The following KAZN variants were observed in gnomAD, a reference collection of about 807,000 sequenced individuals.
KAZN encodes kazrin, periplakin interacting protein, also known as kazrin.
In KAZN, 40 loss-of-function variants were observed where a neutral mutation model predicts 87.4. The ratio of observed to expected loss-of-function variants is 0.46; its 90% confidence interval spans 0.36 to 0.60. The LOEUF is 0.60. Among genes scored for constraint, KAZN ranks in the 20% least tolerant of loss-of-function variants. The pLI, the probability that KAZN is intolerant of heterozygous loss-of-function variation, is 0.00. For synonymous variants in KAZN, 466 were observed against 458.3 expected (o/e 1.02, Z -0.22); for missense variants, 898 against 1,073.9 (o/e 0.84, Z 2.29).
At chr1:14,503,178 G>C (rs1231565571) in intron 2 of KAZN, among the ~76,000 whole-genome samples, 1 of 151,888 alleles carries the variant, frequency 6.6e-6, no homozygotes, top group African/African-American at 2.4e-5. Flanking sequence ...ATCTCAGAGA[G>C]GTATTATTAA....
chr1:14,292,087 G>A (rs552517912), intron 2 of KAZN, among the ~76,000 whole-genome samples: 2 of 152,216 alleles, frequency 1.3e-5, no homozygotes, highest in East Asian at 1.9e-4. Context: ...CACACTTTCC[G>A]AGAACCTAGG....
At chr1:14,612,845 A>G (rs569922896) in intron 1 of KAZN, among the ~76,000 whole-genome samples, 13 of 152,324 alleles carry the variant, frequency 8.5e-5, no homozygotes, top group African/African-American at 3.1e-4. Flanking sequence ...AGGGACTAAC[A>G]TACTGTGCCT....
chr1:14,720,246 C>T (rs533931407), intron 1 of KAZN, among the ~76,000 whole-genome samples: 1 of 152,336 alleles, frequency 6.6e-6, no homozygotes, highest in East Asian at 1.9e-4. Flanking sequence ...AAAGAAAGAT[C>T]CCATTCCCCT....
intron 1 of KAZN, among the ~76,000 whole-genome samples, chr1:13,981,128 T>TATGTATATATATATATGTA (rs375605048): frequency 7.4e-6 from 1 of 134,458 alleles, no homozygotes; most frequent in African/African-American, 2.7e-5. Context: ...TAAACACAGA[T>TATGTATATATATATATGTA]TATATATAGT....
At chr1:14,161,506 A>T (rs72643177) in intron 1 of KAZN, among the ~76,000 whole-genome samples, 22,137 of 152,222 alleles carry the variant, frequency 0.15, 1,829 homozygotes, top group East Asian at 0.33. Flanking sequence ...CGAAGTCTTC[A>T]CAACTTCAGT....
At chr1:15,020,557 C>T (rs560754447) in intron 2 of KAZN, among the ~76,000 whole-genome samples, 31 of 152,210 alleles carry the variant, frequency 2.0e-4, no homozygotes, top group African/African-American at 7.0e-4. Context: ...GCTCCAGAAG[C>T]GCGACACTCG....
Position 14,821,690 on chromosome 1 carries a change from A to C in KAZN, c.227-138994A>C, listed in dbSNP as rs185795467. On this transcript the variant is annotated intron_variant, in intron 1 of 14. Transcript: ENST00000376030. ...TCTACAAGCCACGGAGAGAGGCCTC[A>C]GGAGAAACGACCCCTGCTAACACCT... Among the ~76,000 whole-genome samples, 175 of 152,258 alleles carry C rather than the reference A, an allele frequency of 1.1e-3. 2 individuals are homozygous for C. The highest frequency in any genetic ancestry group is 3.9e-3 in the African/African-American group (164 of 41,534).
intron 6 of KAZN, chr1:15,061,258 C>T (rs574629849): frequency 2.3e-4 from 35 of 152,300 alleles, no homozygotes; most frequent in African/African-American, 8.4e-4. Flanking sequence ...AACAGTGTTG[C>T]TTGGAAATCA....
At chr1:14,404,764 T>C (rs149436537) in intron 2 of KAZN, among the ~76,000 whole-genome samples, 246 of 152,310 alleles carry the variant, frequency 1.6e-3, no homozygotes, top group African/African-American at 5.7e-3. Flanking sequence ...AACAAACTAA[T>C]TGATGAAATG....
intron 1 of KAZN, among the ~76,000 whole-genome samples, chr1:14,928,538 C>G (rs377627361): frequency 6.8e-4 from 104 of 152,128 alleles, no homozygotes; most frequent in African/African-American, 2.5e-3. Context: ...AAAGTTTGTC[C>G]TCTCCTTGAC....
intron 2 of KAZN, among the ~76,000 whole-genome samples, chr1:14,369,001 G>C (rs967026526): frequency 6.6e-6 from 1 of 152,154 alleles, no homozygotes; most frequent in Non-Finnish European, 1.5e-5. Flanking sequence ...ATTTCAAACA[G>C]TGGCTAATAG....
chr1:14,681,881 C>T (rs1278596941), intron 1 of KAZN, among the ~76,000 whole-genome samples: 1 of 150,852 alleles, frequency 6.6e-6, no homozygotes, highest in Non-Finnish European at 1.5e-5. Flanking sequence ...TTAGTAGAGA[C>T]AGGATTTCAC....
At chr1:14,264,557 T>C (rs1459366681) in intron 2 of KAZN, among the ~76,000 whole-genome samples, 2 of 152,130 alleles carry the variant, frequency 1.3e-5, no homozygotes, top group Non-Finnish European at 2.9e-5. Context: ...CCATCCTCTC[T>C]CTCTCCCACC....
chr1:14,848,891 TGGGGAAGG>T (rs2100969778), intron 1 of KAZN, among the ~76,000 whole-genome samples: 1 of 152,194 alleles, frequency 6.6e-6, no homozygotes, highest in East Asian at 1.9e-4. Context: ...AAACAAAAGC[TGGGGAAGG>T]CTCGAAGGGA....
chr1:15,030,212 TCTTC>T (rs1671552799), intron 2 of KAZN, among the ~76,000 whole-genome samples: 1 of 152,208 alleles, frequency 6.6e-6, no homozygotes, highest in Admixed American at 6.5e-5. Context: ...GGGCCCCGGC[TCTTC>T]CTTAAGGAGC....
intron 1 of KAZN, among the ~76,000 whole-genome samples, chr1:14,738,582 T>G (rs1240578609): frequency 6.6e-6 from 1 of 151,568 alleles, no homozygotes; most frequent in Non-Finnish European, 1.5e-5. Context: ...ACCACCGGAG[T>G]TGATTGAGCT....
At chr1:14,374,975 C>T (rs919710272) in intron 2 of KAZN, among the ~76,000 whole-genome samples, 2 of 152,062 alleles carry the variant, frequency 1.3e-5, no homozygotes, top group African/African-American at 4.8e-5. Flanking sequence ...TATACTTTAC[C>T]CAAACTCTAG....
chr1:13,945,206 G>A (rs1641090836), intron 1 of KAZN, among the ~76,000 whole-genome samples: 1 of 152,140 alleles, frequency 6.6e-6, no homozygotes, highest in South Asian at 2.1e-4. Flanking sequence ...GGGCGTGGTG[G>A]CTCACACCTA....
chr1:15,042,153 C>T (rs1391207602), intron 3 of KAZN, among the ~76,000 whole-genome samples: 3 of 152,108 alleles, frequency 2.0e-5, no homozygotes, highest in East Asian at 1.9e-4. Context: ...CCAGTGACTG[C>T]GATGAGACAA....
Sources: allele counts gnomAD v4.1 joint callset (sites outside exome capture counted in the v4.1 genomes callset), GRCh38; gene constraint gnomAD v4.1.1; transcripts MANE v1.5; gene names NCBI Gene and HGNC (gene_info 2026-07-23, HGNC 2026-07-21).